Variants in SUN2 observed in about 807,000 individuals in gnomAD.
SUN2 encodes the protein Sad1 and UNC84 domain containing 2.
SUN2 carries 60 observed loss-of-function variants against 100.0 expected under a neutral mutation model. The ratio of observed to expected loss-of-function variants is 0.60; its 90% CI spans 0.49 to 0.74. The LOEUF (loss-of-function observed/expected upper bound fraction) is 0.74, where lower values mean the gene tolerates loss of function less well. Among genes scored for constraint, SUN2 ranks in the 30% least tolerant of loss-of-function variants. The pLI is 0.00. For synonymous variants in SUN2, 367 were observed against 403.3 expected (o/e 0.91, Z 1.08); for missense variants, 834 against 954.6 (o/e 0.87, Z 1.66).
In SUN2 at chr22:38,735,362, G is replaced by A. The variant is rs924680828; in HGVS notation, c.*905C>T. 3.8e-5 allele frequency: 15 copies of A among 392,322 alleles called. No individual in the cohort carries two copies. The highest frequency in any genetic ancestry group is 2.3e-4 in the African/African-American group (11 of 47,480). 24.3% of individuals were successfully genotyped at this position (392,322 alleles called of 1,614,324 possible). Reference sequence around the variant, plus strand: ...GACCTCGCACCCCGATACCCTGAACGTCCCCACAAGAGCCCAGGAGTTCCA... The same window carrying A: ...GACCTCGCACCCCGATACCCTGAACATCCCCACAAGAGCCCAGGAGTTCCA... On this transcript the variant is annotated 3_prime_UTR_variant, in exon 18 of 18. Transcript: ENST00000689035.
At chr22:38,743,705 A>C (rs2092879113) in intron 8 of SUN2, 1 of 152,028 alleles carries the variant, frequency 6.6e-6, no homozygotes, top group African/African-American at 2.4e-5. Flanking sequence ...TTTTAACTTC[A>C]TGCAAATGTT....
At position 38,742,451 on chromosome 22, in the gene SUN2, T is replaced by A; in HGVS notation, c.918A>T (p.Glu306Asp). 6.2e-7 allele frequency: 1 copy of A among 1,613,576 alleles called. No homozygotes were observed. Residue 306 changes from glutamate to aspartate, a missense_variant, in exon 9 of 18, where the codon GAA becomes GAT. By Grantham distance (45) the Glu-to-Asp change is conservative. This residue lies in a region of SUN2 where 559 missense variants were observed against 597.7 expected (regional missense o/e 0.94). Transcript: ENST00000689035. ...SNWQKEAMRL[E>D]RLELRQGAPG... Reference sequence around the variant, plus strand: ...GAGCCCCTTGCCGCAGCTCCAGACGTTCCAGCCGCATGGCCTCCTTCTGCC... The same window carrying A: ...GAGCCCCTTGCCGCAGCTCCAGACGATCCAGCCGCATGGCCTCCTTCTGCC...
intron 2 of SUN2, among the ~76,000 whole-genome samples, chr22:38,752,199 ACCTC>A (rs2092950475): frequency 2.0e-5 from 3 of 151,760 alleles, no homozygotes; most frequent in Non-Finnish European, 2.9e-5. Flanking sequence ...CAGGTGATCC[ACCTC>A]CCTTGGCCTC....
rs1363733396 is a variant in SUN2, at chr22:38,739,894, C to A, written c.1406G>T (p.Gly469Val). The A allele has an allele frequency of 6.2e-7, 1 of 1,613,110 alleles. No homozygotes were observed. The highest frequency in any genetic ancestry group is 1.7e-5 in the Admixed American group (1 of 60,028). The change falls in exon 13 of 18, where the codon GGA becomes GTA. Residue 469 changes from glycine (G) to valine (V), a missense_variant. Transcript: ENST00000689035. The surrounding 1 kb of genome is among the most constrained non-coding windows in gnomAD (Gnocchi z 6.7). The part of the protein sequence containing the change: ...AWISQFLARG[G>V]GGRVGLLQRE... The stretch of plus-strand genomic sequence containing the variant: ...CTGAAGGAGCCCCACGCGGCCCCCT[C>A]CACCTCGGGCAAGGAACTGACTGAT...
At position 38,755,015 on chromosome 22, in the gene SUN2, C is replaced by T; in HGVS notation, c.-38+748G>A. 8.0e-7 allele frequency: 1 copy of T among 1,242,908 alleles called. No homozygotes were observed. The highest frequency in any genetic ancestry group is 5.6e-5 in the East Asian group (1 of 17,706). 77.0% of individuals were successfully genotyped at this position (1,242,908 alleles called of 1,614,324 possible). A position where few individuals can be genotyped will look rare whatever the true frequency, so the allele number is the denominator to read the frequency against. ...AATCATAATAGACACCACCCCCGCCCCACCTCCTCCCTAACAATCAGTTAG... is the reference window on the plus strand; with the variant it reads ...AATCATAATAGACACCACCCCCGCCTCACCTCCTCCCTAACAATCAGTTAG... On this transcript the variant is annotated intron_variant, in intron 1 of 17. Transcript: ENST00000689035. The surrounding 1 kb of genome is among the most constrained non-coding windows in gnomAD (Gnocchi z 5.7).
rs201604103 is a variant in SUN2, at chr22:38,750,902, G to A, written c.420C>T (p.Tyr140=). 121 of 1,614,022 alleles carry A rather than the reference G, an allele frequency of 7.5e-5. No homozygotes were observed. In the Admixed American group the frequency reaches 1.6e-3, roughly 21 times the overall value. ...SSSGYSSEDD[Y]VGYSDVDQQS... is the part of the protein sequence containing the mutation. ...GAGGGAGGAAGCATCGCCTACCCAC[G>A]TAGTCGTCCTCAGAGGAGTAGCCCG... Residue 140 remains tyrosine, a synonymous_variant, in exon 4 of 18, where the codon TAC becomes TAT. Coordinates refer to ENST00000689035, the MANE Select transcript of SUN2 (RefSeq NM_015374.3).
At chr22:38,748,514 C>G (rs2092920750) in intron 7 of SUN2, among the ~76,000 whole-genome samples, 199 bp downstream of exon 7, 1 of 152,204 alleles carries the variant, frequency 6.6e-6, no homozygotes, top group South Asian at 2.1e-4. Flanking sequence ...CTAGGGTGTG[C>G]TCCTGCCCAG....
Position 38,755,837 on chromosome 22 carries a change from G to C in SUN2, c.-112C>G, listed in dbSNP as rs1857915405. 9.2e-6 allele frequency: 9 copies of C among 983,198 alleles called. No homozygotes were observed. Among genetic ancestry groups the C allele is most frequent in the Non-Finnish European group, 9.6e-6 (8 of 829,110 alleles). The allele number at this position is 983,198 out of a possible 1,614,324, so 60.9% of individuals were successfully genotyped here. A position where few individuals can be genotyped will look rare whatever the true frequency, so the allele number is the denominator to read the frequency against. ...CGCCGCCGGGGCGCGCCCCCTTTCC[G>C]CGTGGGGATCCCGCGGGCGGCGCTC... On this transcript the variant is annotated 5_prime_UTR_variant, in exon 1 of 18. Coordinates refer to ENST00000689035, the MANE Select transcript of SUN2 (RefSeq NM_015374.3). This position sits in a 1 kb window ranked among gnomAD's most constrained non-coding sequence, Gnocchi z 5.7.
chr22:38,737,853 T>C lies in SUN2; in HGVS notation c.2040+320A>G, dbSNP rs1392982231. On this transcript the variant is annotated intron_variant, in intron 17 of 17. Coordinates refer to ENST00000689035, the MANE Select transcript of SUN2 (RefSeq NM_015374.3). The surrounding 1 kb of genome is among the most constrained non-coding windows in gnomAD (Gnocchi z 4.1). ...ATGGTAGAATGCCCGCGCCCTGGCATGTGCTGGCGGCGGCTCCTCGAACGC... is the reference window on the plus strand; with the variant it reads ...ATGGTAGAATGCCCGCGCCCTGGCACGTGCTGGCGGCGGCTCCTCGAACGC... The C allele has an allele frequency of 1.8e-6, 1 of 550,010 alleles. No homozygotes were observed. The highest frequency in any genetic ancestry group is 3.6e-6 in the Non-Finnish European group (1 of 281,132). The allele number at this position is 550,010 out of a possible 1,614,324, so 34.1% of individuals were successfully genotyped here.
At position 38,755,206 on chromosome 22, in the gene SUN2, C is replaced by T; in HGVS notation, c.-38+557G>A. The T allele has an allele frequency of 1.7e-6, 2 of 1,178,868 alleles. No individual in the cohort carries two copies. Among genetic ancestry groups the T allele is most frequent in the Non-Finnish European group, 2.1e-6 (2 of 934,468 alleles). 73.0% of individuals were successfully genotyped at this position (1,178,868 alleles called of 1,614,324 possible). On this transcript the variant is annotated intron_variant, in intron 1 of 17. Transcript: ENST00000689035. The surrounding 1 kb of genome is among the most constrained non-coding windows in gnomAD (Gnocchi z 5.7). ...ACTCCCTGGGCACAGCCAGGCCACA[C>T]GCCCTTGTGGGACCTGCCAAACGCC... is the stretch of plus-strand genomic sequence containing the variant.
chr22:38,749,632 C>T (rs1028507363), intron 6 of SUN2, 134 bp downstream of exon 6: 58 of 801,886 alleles, frequency 7.2e-5, no homozygotes, highest in Middle Eastern at 2.4e-4. Flanking sequence ...GAAGCTACTC[C>T]GTGATCGCTA....
intron 8 of SUN2, among the ~76,000 whole-genome samples, chr22:38,744,826 A>G (rs900070115): frequency 6.6e-6 from 1 of 152,200 alleles, no homozygotes; most frequent in Non-Finnish European, 1.5e-5. Context: ...AATTGTCAGT[A>G]TCAGTACCTG....
At position 38,736,002 on chromosome 22, in the gene SUN2, A is replaced by G. The variant is rs556538305; in HGVS notation, c.*265T>C. On this transcript the variant is annotated 3_prime_UTR_variant, in exon 18 of 18. Transcript: ENST00000689035. ...TCTCCCAACTTCCCAGTCCCCCATG[A>G]TATGCTACATATATACACACTCCCA... 2.0e-5 allele frequency: 8 copies of G among 399,386 alleles called. No homozygotes were observed. The Admixed American group carries it at 2.6e-4, about 13-fold the overall frequency. The allele number at this position is 399,386 out of a possible 1,614,324, so 24.7% of individuals were successfully genotyped here. A position where few individuals can be genotyped will look rare whatever the true frequency, so the allele number is the denominator to read the frequency against.
Position 38,736,055 on chromosome 22 carries a change from G to T in SUN2, c.*212C>A. On this transcript the variant is annotated 3_prime_UTR_variant, in exon 18 of 18. Transcript: ENST00000689035. Reference sequence around the variant, plus strand: ...ATGGGAAGCAGACGCCACGGGCACAGAGGGAAGGAAGAAGGGAGCTGCTGG... The same window carrying T: ...ATGGGAAGCAGACGCCACGGGCACATAGGGAAGGAAGAAGGGAGCTGCTGG... The T allele has an allele frequency of 1.6e-6, 1 of 621,090 alleles. No individual in the cohort carries two copies. Among genetic ancestry groups the T allele is most frequent in the Non-Finnish European group, 3.0e-6 (1 of 336,728 alleles). The allele number at this position is 621,090 out of a possible 1,614,324, so 38.5% of individuals were successfully genotyped here.
At chr22:38,748,865 C>T in intron 6 of SUN2, 82 bp from the exon 7 acceptor site, 1 of 1,404,852 alleles carries the variant, frequency 7.1e-7, no homozygotes, top group Non-Finnish European at 1.0e-6. Flanking sequence ...CAGGGAGTAC[C>T]CTGAGATGTT....
At position 38,739,878 on chromosome 22, in the gene SUN2, C is replaced by G. The variant is rs1603217338; in HGVS notation, c.1422G>C (p.Gly474=). The G allele has an allele frequency of 1.4e-5, 23 of 1,613,146 alleles. No individual in the cohort carries two copies. Among genetic ancestry groups the G allele is most frequent in the Non-Finnish European group, 1.9e-5 (23 of 1,180,030 alleles). The change falls in exon 13 of 18, where the codon GGG becomes GGC. Residue 474 remains glycine (G), a synonymous_variant. Transcript: ENST00000689035. This position sits in a 1 kb window ranked among gnomAD's most constrained non-coding sequence, Gnocchi z 6.7. ...CTTGCATCTCCTCTCTCTGAAGGAG[C>G]CCCACGCGGCCCCCTCCACCTCGGG... ...FLARGGGGRV[G]LLQREEMQAQ... is the part of the protein sequence containing the mutation.
Position 38,740,575 on chromosome 22 carries a change from G to A in SUN2, c.1191-143C>T, listed in dbSNP as rs972157489. 7 of 885,660 alleles carry A rather than the reference G, an allele frequency of 7.9e-6. No individual in the cohort carries two copies. Among genetic ancestry groups the A allele is most frequent in the Non-Finnish European group, 1.1e-5 (7 of 610,382 alleles). 54.9% of individuals were successfully genotyped at this position (885,660 alleles called of 1,614,324 possible). Reference sequence around the variant, plus strand: ...CATTGTGAACCTGAGAAGGGGCAAGGCCTCTCCTGGGGGTTCTGGCTGCAG... The same window carrying A: ...CATTGTGAACCTGAGAAGGGGCAAGACCTCTCCTGGGGGTTCTGGCTGCAG... On this transcript the variant is annotated intron_variant, in intron 11 of 17. Coordinates refer to ENST00000689035, the MANE Select transcript of SUN2 (RefSeq NM_015374.3). The surrounding 1 kb of genome is among the most constrained non-coding windows in gnomAD (Gnocchi z 4.8).
At position 38,737,628 on chromosome 22, in the gene SUN2, C is replaced by T. The variant is rs1306553958; in HGVS notation, c.2040+545G>A. 6.4e-6 allele frequency: 2 copies of T among 312,590 alleles called. No homozygotes were observed. Among genetic ancestry groups the T allele is most frequent in the South Asian group, 2.6e-5 (1 of 38,264 alleles). 19.4% of individuals were successfully genotyped at this position (312,590 alleles called of 1,614,324 possible). On this transcript the variant is annotated intron_variant, in intron 17 of 17. Transcript: ENST00000689035. The surrounding 1 kb of genome is among the most constrained non-coding windows in gnomAD (Gnocchi z 4.1). Reference sequence around the variant, plus strand: ...GTCCACCTCCCACTATCCCGCCAACCCAATTCCTCACTCCAGGACTCCCCC... The same window carrying T: ...GTCCACCTCCCACTATCCCGCCAACTCAATTCCTCACTCCAGGACTCCCCC...
chr22:38,740,316 G>A lies in SUN2; in HGVS notation c.1307C>T (p.Ala436Val), dbSNP rs555329396. Residue 436 changes from alanine to valine, a missense_variant, in exon 12 of 18, where the codon GCG becomes GTG. This residue lies in a region of SUN2 where 559 missense variants were observed against 597.7 expected (regional missense o/e 0.94). Coordinates refer to ENST00000689035, the MANE Select transcript of SUN2 (RefSeq NM_015374.3). The surrounding 1 kb of genome is among the most constrained non-coding windows in gnomAD (Gnocchi z 4.8). ...CTGGGGCAGCAGGCCCACTTCTTCC[G>A]CCACCGAGCTCTGCTTCAGTGCCAG... ...AALALKQSSV[A>V]EEVGLLPQQI... The A allele has an allele frequency of 1.4e-5, 22 of 1,603,482 alleles. No homozygotes were observed. The highest frequency in any genetic ancestry group is 1.8e-4 in the Middle Eastern group (1 of 5,446).
Sources: allele counts gnomAD v4.1 joint callset (sites outside exome capture counted in the v4.1 genomes callset), GRCh38; gene constraint gnomAD v4.1.1; regional missense constraint gnomAD v4.1.1; non-coding constraint Gnocchi (gnomAD v3.1); transcripts MANE v1.5; gene names NCBI Gene and HGNC (gene_info 2026-07-23, HGNC 2026-07-21).